Variants in TF observed in about 807,000 individuals in gnomAD.
The protein encoded by TF is serotransferrin.
Under a neutral mutation model 82.4 loss-of-function variants are expected in TF, and 55 were observed. The ratio of observed to expected loss-of-function variants is 0.67; its 90% CI spans 0.54 to 0.84. The LOEUF (loss-of-function observed/expected upper bound fraction) is 0.84, where lower values mean the gene tolerates loss of function less well. Among genes scored for constraint, TF ranks in the 40% least tolerant of loss-of-function variants. The probability of loss-of-function intolerance (pLI) is 0.00; values close to 1 mark genes in which losing one functional copy is unlikely to be tolerated. For missense variants in TF, 737 were observed against 868.4 expected (o/e 0.85, Z 1.90); for synonymous variants, 332 against 332.6 (o/e 1.00, Z 0.02).
At chr3:133,725,808 C>G in the TF span, among the ~76,000 whole-genome samples, 4 of 151,920 alleles carry the variant, frequency 2.6e-5, no homozygotes, top group Non-Finnish European at 4.4e-5. Context: ...ATAGATAGCT[C>G]TTATTATTTT....
At chr3:133,714,652 C>A in the TF span, among the ~76,000 whole-genome samples, 1 of 152,048 alleles carries the variant, frequency 6.6e-6, no homozygotes, top group African/African-American at 2.4e-5. Context: ...CATCTCCTAC[C>A]TGTCTTTTCA....
the TF span, among the ~76,000 whole-genome samples, chr3:133,693,174 C>T: frequency 2.0e-5 from 3 of 152,208 alleles, no homozygotes; most frequent in Admixed American, 6.5e-5. Context: ...TATCCCTAGT[C>T]GCTTGGCTTG....
rs1934491336 is a variant in TF at position 133,780,395 on chromosome 3, G to T, written c.*1775G>T. On this transcript the variant is annotated 3_prime_UTR_variant, in exon 17 of 17. Coordinates refer to ENST00000402696, the MANE Select transcript of TF (RefSeq NM_001063.4). ...TATTCCTGGAAGTCTTAGACAACTG[G>T]GCTAAAACAAAAATATTCAACATCC... 6.6e-6 allele frequency: 1 copy of T among 151,878 alleles called. No individual in the cohort carries two copies. The allele number at this position is 151,878 out of a possible 1,614,324, so 9.4% of individuals were successfully genotyped here.
At chr3:133,704,061 A>T in the TF span, among the ~76,000 whole-genome samples, 1 of 152,216 alleles carries the variant, frequency 6.6e-6, no homozygotes, top group Admixed American at 6.5e-5. Context: ...GGCCAAGAGC[A>T]TGTCCAGTTT....
chr3:133,762,252 C>A (rs1326130507), intron 9 of TF: 2 of 198,746 alleles, frequency 1.0e-5, no homozygotes, highest in East Asian at 1.2e-4. Flanking sequence ...GTTCTTATGT[C>A]ATTGGATTTG....
At chr3:133,759,073 C>T (rs2107918884) in intron 8 of TF, 102 bp from the exon 9 acceptor site, 2 of 1,473,342 alleles carry the variant, frequency 1.4e-6, no homozygotes, top group East Asian at 4.5e-5. Context: ...TTGTTTATTG[C>T]TGGCAAATCC....
At chr3:133,732,598 C>T in the TF span, among the ~76,000 whole-genome samples, 7 of 152,166 alleles carry the variant, frequency 4.6e-5, no homozygotes, top group Non-Finnish European at 8.8e-5. Context: ...TGTTTGGGTC[C>T]ACACTACCTT....
chr3:133,694,163 C>G, the TF span: 4 of 152,874 alleles, frequency 2.6e-5, no homozygotes, highest in African/African-American at 9.7e-5. Context: ...CATGTACGAC[C>G]TGGAGGTCCC....
At chr3:133,675,145 T>G in the TF span, among the ~76,000 whole-genome samples, 1 of 147,600 alleles carries the variant, frequency 6.8e-6, no homozygotes. Context: ...CTCCGGAGGC[T>G]GAGGCATGAG....
At chr3:133,771,512 T>G (rs998562381) in intron 14 of TF, among the ~76,000 whole-genome samples, 1 of 148,478 alleles carries the variant, frequency 6.7e-6, no homozygotes, top group Non-Finnish European at 1.5e-5. Context: ...CCGAGGCGGG[T>G]GGATCATGAG....
At chr3:133,696,403 A>G in the TF span, among the ~76,000 whole-genome samples, 3 of 152,184 alleles carry the variant, frequency 2.0e-5, no homozygotes, top group African/African-American at 4.8e-5. Context: ...AAAAAATACT[A>G]TATTAGGGTT....
the TF span, chr3:133,688,340 C>T: frequency 6.6e-6 from 1 of 152,334 alleles, no homozygotes; most frequent in East Asian, 1.9e-4. Context: ...GAGCGTCTTC[C>T]CTTGAGTACA....
At chr3:133,719,664 T>C in the TF span, among the ~76,000 whole-genome samples, 10 of 152,192 alleles carry the variant, frequency 6.6e-5, no homozygotes, top group Non-Finnish European at 1.2e-4. Context: ...CTGTTGTTAT[T>C]TGAGAGGGAT....
At chr3:133,743,716 G>A (rs1016495284), upstream of TF, among the ~76,000 whole-genome samples, 2 of 152,184 alleles carry the variant, frequency 1.3e-5, no homozygotes, top group Non-Finnish European at 2.9e-5. Context: ...AAAAGGGACA[G>A]TGATTCTCCA....
chr3:133,786,418 C>G lies in TF; in HGVS notation c.*7798C>G, dbSNP rs559884418. The stretch of plus-strand genomic sequence containing the variant: ...TAATAATACACATTGTGTTTGTGCA[C>G]TGGTTCAGGGGAGGAGAGAGGAAAG... On this transcript the variant is annotated 3_prime_UTR_variant, in exon 17 of 17. Coordinates refer to ENST00000402696, the MANE Select transcript of TF (RefSeq NM_001063.4). The G allele has an allele frequency of 6.6e-6, 1 of 152,048 alleles. No individual in the cohort carries two copies. Among genetic ancestry groups the G allele is most frequent in the East Asian group, 1.9e-4 (1 of 5,184 alleles). 9.4% of individuals were successfully genotyped at this position (152,048 alleles called of 1,614,324 possible). A position where few individuals can be genotyped will look rare whatever the true frequency, so the allele number is the denominator to read the frequency against.
the TF span, among the ~76,000 whole-genome samples, chr3:133,702,674 G>A: frequency 1.4e-4 from 22 of 152,056 alleles, no homozygotes; most frequent in Admixed American, 3.3e-4. Context: ...TCTGAGCGAT[G>A]AAATTGTGTT....
At chr3:133,687,491 A>T in the TF span, among the ~76,000 whole-genome samples, 3 of 152,178 alleles carry the variant, frequency 2.0e-5, no homozygotes, top group Non-Finnish European at 4.4e-5. Context: ...AGGGCATTGG[A>T]AATGTTGTAC....
At chr3:133,676,726 A>G in the TF span, among the ~76,000 whole-genome samples, 2 of 152,362 alleles carry the variant, frequency 1.3e-5, no homozygotes, top group South Asian at 2.1e-4. Flanking sequence ...CTGCAGTCAC[A>G]AGGAAACCCA....
chr3:133,682,916 T>G, the TF span, among the ~76,000 whole-genome samples: 7 of 151,850 alleles, frequency 4.6e-5, no homozygotes, highest in Non-Finnish European at 1.0e-4. Flanking sequence ...CAGATTCAAG[T>G]TGAAATGAGG....
Sources: allele counts gnomAD v4.1 joint callset (sites outside exome capture counted in the v4.1 genomes callset), GRCh38; gene constraint gnomAD v4.1.1; transcripts MANE v1.5; gene names NCBI Gene and HGNC (gene_info 2026-07-23, HGNC 2026-07-21).